The following EML5 variants were observed in gnomAD, a reference collection of about 807,000 sequenced individuals.
The protein encoded by EML5 is echinoderm microtubule-associated protein-like 5.
A neutral mutation model predicts 250.0 loss-of-function variants in EML5; 120 were observed. The observed-to-expected ratio is 0.48, with a 90% CI of 0.41 to 0.56. EML5 has a LOEUF of 0.56. EML5 is among the 20% of genes least tolerant of loss of function. EML5 has a pLI of 0.00. For synonymous variants in EML5, 771 were observed against 806.5 expected (o/e 0.96, Z 0.75); for missense variants, 2,006 against 2,437.6 (o/e 0.82, Z 3.73).
In EML5 at chr14:88,736,357, T is replaced by C; in HGVS notation, c.1049+7A>G. ...CAGCCTATGGAATTAGTTTATAATT[T>C]GCTTACCTGACCGAACGATCATCAC... On this transcript the variant is annotated splice_region_variant and intron_variant, in intron 7 of 43. Coordinates refer to ENST00000554922, the MANE Select transcript of EML5 (RefSeq NM_183387.3). 1 of 1,613,948 alleles carries C rather than the reference T, an allele frequency of 6.2e-7. No individual in the cohort carries two copies. Among genetic ancestry groups the C allele is most frequent in the Non-Finnish European group, 8.5e-7 (1 of 1,179,838 alleles).
chr14:88,685,453 T>C (rs1956412), intron 19 of EML5, among the ~76,000 whole-genome samples: 2,258 of 152,262 alleles, frequency 0.015, 38 homozygotes, highest in South Asian at 0.077. Context: ...TTATTTACAA[T>C]ATTCTTATTA....
chr14:88,741,668 G>A (rs1258079899), intron 4 of EML5, among the ~76,000 whole-genome samples: 1 of 151,886 alleles, frequency 6.6e-6, no homozygotes, highest in Non-Finnish European at 1.5e-5. Context: ...AATCACACCT[G>A]TGAATAGCTA....
At chr14:88,719,954 A>G (rs536138596) in intron 8 of EML5, among the ~76,000 whole-genome samples, 2 of 152,306 alleles carry the variant, frequency 1.3e-5, no homozygotes, top group African/African-American at 2.4e-5. Flanking sequence ...GATAAAGGGG[A>G]TATCACCATT....
intron 6 of EML5, among the ~76,000 whole-genome samples, chr14:88,738,059 C>T (rs2093871890): frequency 6.6e-6 from 1 of 152,052 alleles, no homozygotes; most frequent in South Asian, 2.1e-4. Context: ...TATAAAGACA[C>T]CGTGTACCTC....
At chr14:88,788,525 T>C (rs1318748548) in intron 1 of EML5, among the ~76,000 whole-genome samples, 4 of 150,722 alleles carry the variant, frequency 2.7e-5, no homozygotes, top group Non-Finnish European at 5.9e-5. Flanking sequence ...GGTGAGACCC[T>C]TTCACTATGT....
chr14:88,685,454 ATTC>A (rs2092811879), intron 19 of EML5, among the ~76,000 whole-genome samples: 1 of 152,066 alleles, frequency 6.6e-6, no homozygotes, highest in South Asian at 2.1e-4. Flanking sequence ...TATTTACAAT[ATTC>A]TTATTAGTAA....
chr14:88,760,580 C>T (rs1256792333), intron 1 of EML5, among the ~76,000 whole-genome samples: 2 of 152,090 alleles, frequency 1.3e-5, no homozygotes, highest in African/African-American at 4.8e-5. Context: ...TATTATAAGC[C>T]TTAAAATTGA....
chr14:88,660,272 G>A (rs2092033880), intron 25 of EML5, among the ~76,000 whole-genome samples: 1 of 143,150 alleles, frequency 7.0e-6, no homozygotes, highest in Non-Finnish European at 1.5e-5. Context: ...CACAGAGAGA[G>A]ACGCTGTCTT....
Position 88,738,163 on chromosome 14 carries a change from A to C in EML5, c.847+716T>G, listed in dbSNP as rs529623911. ...TGTTTAGCAAAACTAATGAAAATAA[A>C]ATACCAATTAACATTTACATGCTTA... On this transcript the variant is annotated intron_variant, in intron 6 of 43. Coordinates refer to ENST00000554922, the MANE Select transcript of EML5 (RefSeq NM_183387.3). Among the ~76,000 whole-genome samples the C allele has an allele frequency of 3.3e-5, 5 of 152,306 alleles. No homozygotes were observed. The South Asian group carries it at 1.0e-3, about 32-fold the overall frequency.
intron 1 of EML5, among the ~76,000 whole-genome samples, chr14:88,766,550 C>T (rs1042180126): frequency 1.3e-5 from 2 of 152,130 alleles, no homozygotes; most frequent in Admixed American, 1.3e-4. Context: ...TGCTCTCAAA[C>T]CCGGTCTCCT....
chr14:88,707,782 G>A (rs775274469), intron 10 of EML5, among the ~76,000 whole-genome samples: 21 of 151,886 alleles, frequency 1.4e-4, no homozygotes, highest in African/African-American at 4.4e-4. Flanking sequence ...ATTTAACTTC[G>A]CATAGTTCAG....
chr14:88,688,555 G>A, intron 17 of EML5, 82 bp from the exon 18 acceptor site: 2 of 1,413,144 alleles, frequency 1.4e-6, no homozygotes, highest in Admixed American at 1.8e-5. Context: ...TTCTACTGTT[G>A]TTGTTGTTGT....
At chr14:88,645,793 A>G (rs1195771791) in intron 29 of EML5, among the ~76,000 whole-genome samples, 1 of 152,088 alleles carries the variant, frequency 6.6e-6, no homozygotes, top group Non-Finnish European at 1.5e-5. Flanking sequence ...CCTTATTCTC[A>G]CTATTTACTA....
At chr14:88,656,268 C>A (rs914297298) in intron 27 of EML5, among the ~76,000 whole-genome samples, 69 of 152,202 alleles carry the variant, frequency 4.5e-4, no homozygotes, top group Non-Finnish European at 6.6e-4. Flanking sequence ...ACATAAACAC[C>A]ACGGAATACT....
rs1226185333 is a variant in EML5, at chr14:88,621,300, C to T, written c.5015G>A (p.Gly1672Asp). 6.2e-7 allele frequency: 1 copy of T among 1,613,716 alleles called. No homozygotes were observed. The highest frequency in any genetic ancestry group is 8.5e-7 in the Non-Finnish European group (1 of 1,179,846). Residue 1672 changes from glycine to aspartate, a missense_variant and splice_region_variant, in exon 38 of 44, where the codon GGC (glycine) becomes GAC (aspartate). Transcript: ENST00000554922. ...ATTCCTTGTCCCAACAAGGATCTTG[C>T]CCTGAAACACAAGCAGGACCAATAC... ...DCVRSVCRGK[G>D]KILVGTRNAE...
At chr14:88,702,701 G>A (rs1268559675) in intron 13 of EML5, 69 bp from the exon 14 acceptor site, 1 of 1,090,848 alleles carries the variant, frequency 9.2e-7, no homozygotes, top group Non-Finnish European at 1.2e-6. Context: ...AATATACAGG[G>A]GAGAAGTAGG....
intron 33 of EML5, among the ~76,000 whole-genome samples, chr14:88,628,617 A>G (rs1168009418): frequency 6.6e-6 from 1 of 152,116 alleles, no homozygotes; most frequent in Non-Finnish European, 1.5e-5. Flanking sequence ...CAATAAAAAT[A>G]CTAAAGTGCA....
chr14:88,616,546 A>G, intron 42 of EML5, 180 bp downstream of exon 42: 1 of 636,060 alleles, frequency 1.6e-6, no homozygotes, highest in Non-Finnish European at 2.7e-6. Context: ...CAAAGATGGT[A>G]TTACTCGAGG....
chr14:88,678,445 C>T (rs1001310597), intron 21 of EML5, among the ~76,000 whole-genome samples: 1 of 151,988 alleles, frequency 6.6e-6, no homozygotes, highest in African/African-American at 2.4e-5. Flanking sequence ...CTTAAAATAA[C>T]ATAAAATAAA....
Sources: gnomAD v4.1 joint callset for allele counts (sites outside exome capture counted in the v4.1 genomes callset) on GRCh38, gnomAD v4.1.1 for gene constraint, MANE v1.5 for transcripts, NCBI Gene and HGNC (gene_info 2026-07-23, HGNC 2026-07-21) for gene names.